Variants in GRB14 observed in about 807,000 individuals in gnomAD.
The protein encoded by GRB14 is growth factor receptor bound protein 14, also known as growth factor receptor-bound protein 14.
Under a neutral mutation model 69.1 loss-of-function variants are expected in GRB14, and 38 were observed. The ratio of observed to expected loss-of-function variants is 0.55; its 90% CI spans 0.42 to 0.72. The LOEUF is 0.72. GRB14 is among the 30% of genes least tolerant of loss of function. GRB14 has a pLI of 0.00. For missense variants in GRB14, 666 were observed against 666.1 expected (o/e 1.00, Z 0.00); for synonymous variants, 247 against 241.3 (o/e 1.02, Z -0.22).
At chr2:164,517,821 C>T (rs936312287) in intron 6 of GRB14, among the ~76,000 whole-genome samples, 3 of 152,078 alleles carry the variant, frequency 2.0e-5, no homozygotes, top group Non-Finnish European at 4.4e-5. Context: ...AAATCACAAT[C>T]CTAAATATAT....
intron 2 of GRB14, among the ~76,000 whole-genome samples, chr2:164,551,108 G>A (rs552752627): frequency 6.6e-6 from 1 of 152,172 alleles, no homozygotes; most frequent in Non-Finnish European, 1.5e-5. Context: ...TACATATAAG[G>A]TCTTTTTAAA....
chr2:164,564,788 G>A (rs1688928672), intron 2 of GRB14, among the ~76,000 whole-genome samples: 1 of 152,054 alleles, frequency 6.6e-6, no homozygotes, highest in Admixed American at 6.6e-5. Flanking sequence ...GGCCGAGGTG[G>A]GCAGATCACA....
At chr2:164,594,420 T>C (rs1488193016) in intron 2 of GRB14, among the ~76,000 whole-genome samples, 2 of 152,234 alleles carry the variant, frequency 1.3e-5, no homozygotes, top group Non-Finnish European at 2.9e-5. Flanking sequence ...ATGGCTATCA[T>C]ATGTATATTA....
At chr2:164,512,613 A>G (rs1353071089) in intron 6 of GRB14, among the ~76,000 whole-genome samples, 1 of 152,208 alleles carries the variant, frequency 6.6e-6, no homozygotes, top group Non-Finnish European at 1.5e-5. Flanking sequence ...CAGGGCCTTG[A>G]GCAAACATAG....
intron 2 of GRB14, among the ~76,000 whole-genome samples, chr2:164,619,297 A>G (rs1342398773): frequency 6.6e-6 from 1 of 152,172 alleles, no homozygotes; most frequent in Admixed American, 6.5e-5. Context: ...AAATTAAAGA[A>G]AGTATTAAAG....
At chr2:164,599,301 A>G (rs891312093) in intron 2 of GRB14, among the ~76,000 whole-genome samples, 3 of 62,270 alleles carry the variant, frequency 4.8e-5, no homozygotes, top group Non-Finnish European at 1.1e-4. Context: ...TATCACTGCC[A>G]AAGTATCGTA....
intron 3 of GRB14, among the ~76,000 whole-genome samples, chr2:164,537,551 T>C (rs1302240654): frequency 6.6e-6 from 1 of 152,012 alleles, no homozygotes; most frequent in Non-Finnish European, 1.5e-5. Context: ...TGGATCCAAA[T>C]GCAAAAAGAA....
intron 3 of GRB14, among the ~76,000 whole-genome samples, chr2:164,539,177 T>A (rs539027461): frequency 3.5e-4 from 53 of 152,242 alleles, no homozygotes; most frequent in South Asian, 1.9e-3. Flanking sequence ...GCATTTATAT[T>A]AAAAATACTA....
Position 164,539,196 on chromosome 2 carries a change from C to T in GRB14, c.481+8464G>A, listed in dbSNP as rs539954779. 5.9e-5 allele frequency among the ~76,000 whole-genome samples: 9 copies of T among 152,202 alleles called. No individual in the cohort carries two copies. In the South Asian group the frequency reaches 1.0e-3, roughly 18 times the overall value. ...TTATATTAAAAATACTAATAACGGT[C>T]GGGCGTGGTGGCTCACGCCTGTAAT... is the stretch of plus-strand genomic sequence containing the variant. On this transcript the variant is annotated intron_variant, in intron 3 of 13. Transcript: ENST00000263915.
intron 4 of GRB14, among the ~76,000 whole-genome samples, chr2:164,525,809 G>C (rs922549253): frequency 6.6e-6 from 1 of 151,868 alleles, no homozygotes; most frequent in African/African-American, 2.4e-5. Context: ...CTGTGTTGAG[G>C]GGGGGCACTC....
At chr2:164,513,906 T>C (rs1005612798) in intron 6 of GRB14, among the ~76,000 whole-genome samples, 4 of 152,178 alleles carry the variant, frequency 2.6e-5, no homozygotes, top group African/African-American at 7.2e-5. Flanking sequence ...ATGCGTTGCA[T>C]AAAATGTCAA....
At chr2:164,573,811 T>A in intron 2 of GRB14, 1 of 1,612,922 alleles carries the variant, frequency 6.2e-7, no homozygotes, top group Admixed American at 1.7e-5. Flanking sequence ...TGTTGGCAGA[T>A]AAATTGAACA....
rs373478921 is a variant in GRB14 at position 164,496,844 on chromosome 2, T to C, written c.1382+164A>G. Among the ~76,000 whole-genome samples, 52 of 152,306 alleles carry C rather than the reference T, an allele frequency of 3.4e-4. No homozygotes were observed. In the East Asian group the frequency reaches 4.4e-3, roughly 13 times the overall value. On this transcript the variant is annotated intron_variant, in intron 12 of 13. Transcript: ENST00000263915. The stretch of plus-strand genomic sequence containing the variant: ...CACACACTATGTACCAGGTATAATA[T>C]AGATACTGTTAGAATACAGTGATGA...
intron 2 of GRB14, among the ~76,000 whole-genome samples, chr2:164,554,148 C>G (rs1688618676): frequency 6.6e-6 from 1 of 151,956 alleles, no homozygotes; most frequent in African/African-American, 2.4e-5. Flanking sequence ...ATGTAAAAAA[C>G]AAATAGCAGA....
At chr2:164,556,870 G>A (rs184558721) in intron 2 of GRB14, among the ~76,000 whole-genome samples, 5 of 152,264 alleles carry the variant, frequency 3.3e-5, no homozygotes, top group Admixed American at 3.3e-4. Flanking sequence ...CACAGCGACA[G>A]TCAAAACGAT....
chr2:164,500,448 T>A (rs542461476), intron 9 of GRB14, among the ~76,000 whole-genome samples: 1 of 152,054 alleles, frequency 6.6e-6, no homozygotes, highest in Non-Finnish European at 1.5e-5. Flanking sequence ...TACTAAAAAC[T>A]TATATGTTAA....
chr2:164,611,738 T>C (rs1017665357), intron 2 of GRB14, among the ~76,000 whole-genome samples: 2 of 152,006 alleles, frequency 1.3e-5, no homozygotes, highest in Non-Finnish European at 2.9e-5. Context: ...CAGTTTCTAG[T>C]TTAACCAGAC....
chr2:164,608,882 GAAAATATTA>G (rs1162439938), intron 2 of GRB14, among the ~76,000 whole-genome samples: 1 of 152,004 alleles, frequency 6.6e-6, no homozygotes, highest in Non-Finnish European at 1.5e-5. Context: ...TTAGGTATTA[GAAAATATTA>G]AAATATTTTA....
At chr2:164,519,456 G>A (rs1351113998) in intron 6 of GRB14, among the ~76,000 whole-genome samples, 1 of 152,060 alleles carries the variant, frequency 6.6e-6, no homozygotes, top group Non-Finnish European at 1.5e-5. Flanking sequence ...AACAAGAAAT[G>A]GATGCTCACT....
Sources: allele counts gnomAD v4.1 joint callset (sites outside exome capture counted in the v4.1 genomes callset), GRCh38; gene constraint gnomAD v4.1.1; transcripts MANE v1.5; gene names NCBI Gene and HGNC (gene_info 2026-07-23, HGNC 2026-07-21).